Variants in LINGO3 observed in about 807,000 individuals in gnomAD.
LINGO3 encodes the protein leucine rich repeat and Ig domain containing 3.
For synonymous variants in LINGO3, 427 were observed against 444.2 expected (o/e 0.96, Z 0.49); for missense variants, 750 against 867.7 (o/e 0.86, Z 1.70).
upstream of LINGO3, among the ~76,000 whole-genome samples, chr19:2,297,019 G>A (rs1599166871): frequency 6.6e-6 from 1 of 151,644 alleles, no homozygotes; most frequent in East Asian, 2.1e-4. Context: ...GTGAACCCGG[G>A]AGGCGGAGCT....
chr19:2,289,802 A>C (rs2025500171), exon 1 of LINGO3: 2 of 517,566 alleles, frequency 3.9e-6, no homozygotes, highest in Admixed American at 7.6e-5. Flanking sequence ...AAATCTTTAG[A>C]AAACGCTTGA....
chr19:2,306,065 T>G, the LINGO3 span, among the ~76,000 whole-genome samples: 1 of 152,268 alleles, frequency 6.6e-6, no homozygotes, highest in African/African-American at 2.4e-5. Context: ...GGCCGTGGAC[T>G]GCCCTCTGCA....
At chr19:2,306,237 G>A in the LINGO3 span, among the ~76,000 whole-genome samples, 2 of 152,364 alleles carry the variant, frequency 1.3e-5, no homozygotes, top group Admixed American at 1.3e-4. Context: ...CAACTTAGCT[G>A]CAGACAGTCA....
chr19:2,306,469 G>A, the LINGO3 span, among the ~76,000 whole-genome samples: 1 of 152,190 alleles, frequency 6.6e-6, no homozygotes, highest in African/African-American at 2.4e-5. Context: ...GCTGTGGGAA[G>A]AGACATCAAA....
chr19:2,292,512 T>C (rs917764140), upstream of LINGO3, among the ~76,000 whole-genome samples: 2 of 151,650 alleles, frequency 1.3e-5, no homozygotes, highest in African/African-American at 4.8e-5. Context: ...CTGTTTGAGA[T>C]GGAGGCTCAC....
the LINGO3 span, among the ~76,000 whole-genome samples, chr19:2,304,580 C>A: frequency 6.6e-6 from 1 of 152,072 alleles, no homozygotes; most frequent in Non-Finnish European, 1.5e-5. Context: ...AGAGGCTGTG[C>A]TGAGGCTATG....
At chr19:2,302,017 G>A in the LINGO3 span, among the ~76,000 whole-genome samples, 1 of 147,880 alleles carries the variant, frequency 6.8e-6, no homozygotes. Flanking sequence ...ACAGAGGCCA[G>A]AAAGTCCCTG....
the LINGO3 span, among the ~76,000 whole-genome samples, chr19:2,305,043 T>G: frequency 6.6e-6 from 1 of 152,086 alleles, no homozygotes; most frequent in East Asian, 1.9e-4. Context: ...AGGCCCATTT[T>G]GGACTCTGGC....
At chr19:2,291,958 G>A (rs946802985) in exon 1 of LINGO3, 15 of 621,074 alleles carry the variant, frequency 2.4e-5, no homozygotes, top group Non-Finnish European at 3.9e-5. Context: ...AGGCTGAGAT[G>A]GAAGAATTGC....
At chr19:2,291,486 G>A (rs751932548) in exon 1 of LINGO3, 11 of 1,612,242 alleles carry the variant, frequency 6.8e-6, no homozygotes, top group Non-Finnish European at 8.5e-6. Context: ...GGTTGGCGAA[G>A]GCGCCGGGCT....
Position 2,290,718 on chromosome 19 carries a change from C to T in LINGO3, c.1059G>A (p.Pro353=). The change falls in exon 1 of 1, where the codon CCG becomes CCA. Residue 353 remains proline, a synonymous_variant. Coordinates refer to ENST00000585527, the Ensembl canonical transcript of LINGO3. The surrounding 1 kb of genome is among the most constrained non-coding windows in gnomAD (Gnocchi z 6.0). ...ACAGCAGGCGACAGTCGCAGGCCAG[C>T]GGGTTCCCGTCCACGCGCAGCGTCT... is the stretch of plus-strand genomic sequence containing the variant. 6.2e-7 allele frequency: 1 copy of T among 1,612,360 alleles called. No homozygotes were observed. Among genetic ancestry groups the T allele is most frequent in the Non-Finnish European group, 8.5e-7 (1 of 1,179,600 alleles).
chr19:2,289,869 A>G, exon 1 of LINGO3: 1 of 746,496 alleles, frequency 1.3e-6, no homozygotes, highest in Non-Finnish European at 2.1e-6. Flanking sequence ...GGGCGTCTAC[A>G]AAAAAAGGGG....
At chr19:2,299,918 T>C in the LINGO3 span, among the ~76,000 whole-genome samples, 1,018 of 150,792 alleles carry the variant, frequency 6.8e-3, 7 homozygotes, top group South Asian at 9.6e-3. Context: ...AGAGATGGGG[T>C]TTCACCGTGT....
upstream of LINGO3, among the ~76,000 whole-genome samples, chr19:2,296,704 C>T (rs1402877465): frequency 6.6e-6 from 1 of 151,638 alleles, no homozygotes; most frequent in Non-Finnish European, 1.5e-5. Flanking sequence ...GTTTCGAACT[C>T]CACTTCAAAT....
At chr19:2,293,544 C>G (rs1208313491), upstream of LINGO3, among the ~76,000 whole-genome samples, 3 of 150,164 alleles carry the variant, frequency 2.0e-5, no homozygotes, top group African/African-American at 7.3e-5. Context: ...AGTTTTAGTA[C>G]AGATGGGGTT....
upstream of LINGO3, among the ~76,000 whole-genome samples, chr19:2,295,659 C>T (rs1364724794): frequency 6.6e-6 from 1 of 152,142 alleles, no homozygotes; most frequent in African/African-American, 2.4e-5. Flanking sequence ...TCGCTTGAAC[C>T]TGGCAGGCGG....
upstream of LINGO3, among the ~76,000 whole-genome samples, chr19:2,296,306 G>A (rs1299755280): frequency 1.3e-5 from 2 of 152,000 alleles, no homozygotes; most frequent in East Asian, 3.9e-4. Context: ...CAGGTGTGGC[G>A]GCTCACACCT....
chr19:2,298,536 A>ATTT, the LINGO3 span, among the ~76,000 whole-genome samples: 4 of 114,132 alleles, frequency 3.5e-5, no homozygotes, highest in African/African-American at 6.5e-5. Flanking sequence ...TGGGCCAATA[A>ATTT]TTTTTTTTTT....
chr19:2,296,509 C>T (rs1473996327), upstream of LINGO3, among the ~76,000 whole-genome samples: 2 of 151,902 alleles, frequency 1.3e-5, no homozygotes, highest in Non-Finnish European at 2.9e-5. Context: ...GTTAGGGTCT[C>T]ACTCTGTCGC....
Sources: gnomAD v4.1 joint callset for allele counts (sites outside exome capture counted in the v4.1 genomes callset) on GRCh38, gnomAD v4.1.1 for gene constraint, Gnocchi (gnomAD v3.1) non-coding constraint, MANE v1.5 for transcripts, NCBI Gene and HGNC (gene_info 2026-07-23, HGNC 2026-07-21) for gene names.